Variants in EYA2 observed in about 807,000 individuals in gnomAD.
The protein encoded by EYA2 is protein phosphatase EYA2.
EYA2 carries 31 observed loss-of-function variants against 69.2 expected under a neutral mutation model. That is an observed-to-expected ratio of 0.45 (90% CI 0.34 to 0.60). The LOEUF (loss-of-function observed/expected upper bound fraction) is 0.60, where lower values mean the gene tolerates loss of function less well. Ranked by LOEUF, EYA2 falls within the 20% of genes least tolerant of loss-of-function variation. The pLI is 0.02. For synonymous variants in EYA2, 257 were observed against 279.4 expected (o/e 0.92, Z 0.80); for missense variants, 622 against 701.2 (o/e 0.89, Z 1.28).
At chr20:47,022,999 C>T (rs1023569091) in intron 5 of EYA2, among the ~76,000 whole-genome samples, 3 of 151,956 alleles carry the variant, frequency 2.0e-5, no homozygotes, top group East Asian at 1.9e-4. Context: ...TGTCCATTAG[C>T]GTCACTCCTT....
Position 47,096,974 on chromosome 20 carries a change from GATA to G in EYA2, c.805-108_805-106del, listed in dbSNP as rs59673504. 1,528 of 786,122 alleles carry G rather than the reference GATA, an allele frequency of 1.9e-3. 4 individuals carry two copies. Among genetic ancestry groups the G allele is most frequent in the Non-Finnish European group, 2.8e-3 (1,319 of 465,392 alleles). The allele number at this position is 786,122 out of a possible 1,614,324, so 48.7% of individuals were successfully genotyped here. ...GTGAGTTACATGTTTTGTAACTAAA[GATA>G]ATGTTTTTCGAGACTTCTTTTCCTC... On this transcript the variant is annotated intron_variant, in intron 8 of 15. Transcript: ENST00000327619.
chr20:46,926,088 G>A (rs899422207), intron 1 of EYA2, among the ~76,000 whole-genome samples: 4 of 152,212 alleles, frequency 2.6e-5, no homozygotes, highest in East Asian at 3.9e-4. Flanking sequence ...AAGCAAGTGC[G>A]GAGTGAATAA....
At chr20:47,098,843 A>G (rs4810610) in intron 9 of EYA2, among the ~76,000 whole-genome samples, 96,171 of 152,038 alleles carry the variant, frequency 0.63, 31,936 homozygotes, top group Non-Finnish European at 0.73. Flanking sequence ...TGACAAGCCT[A>G]CCCCCAGCCT....
At chr20:46,980,761 C>T (rs1980782435) in intron 1 of EYA2, among the ~76,000 whole-genome samples, 2 of 152,154 alleles carry the variant, frequency 1.3e-5, no homozygotes, top group South Asian at 2.1e-4. Flanking sequence ...TCATCCTCCC[C>T]ACCACCCTTC....
intron 8 of EYA2, among the ~76,000 whole-genome samples, chr20:47,094,695 A>G (rs1568774697): frequency 6.6e-6 from 1 of 152,232 alleles, no homozygotes; most frequent in Non-Finnish European, 1.5e-5. Flanking sequence ...GTCCTTGAAA[A>G]TAATGATCAC....
chr20:47,119,459 A>G (rs1174299097), intron 9 of EYA2, among the ~76,000 whole-genome samples: 1 of 152,258 alleles, frequency 6.6e-6, no homozygotes, highest in Non-Finnish European at 1.5e-5. Context: ...TGGATAAATC[A>G]TAGGATAGTC....
At chr20:47,019,233 G>C (rs1391774570) in intron 5 of EYA2, among the ~76,000 whole-genome samples, 1 of 151,890 alleles carries the variant, frequency 6.6e-6, no homozygotes, top group African/African-American at 2.4e-5. Flanking sequence ...CTCTCTTCTC[G>C]CCCTACCATG....
At chr20:47,060,344 T>G (rs1333306642) in intron 5 of EYA2, among the ~76,000 whole-genome samples, 2 of 152,254 alleles carry the variant, frequency 1.3e-5, no homozygotes, top group Non-Finnish European at 2.9e-5. Flanking sequence ...GCTTCTACTC[T>G]CATGGCTTCA....
chr20:46,973,348 A>G (rs979655637), intron 1 of EYA2, among the ~76,000 whole-genome samples: 3 of 152,192 alleles, frequency 2.0e-5, no homozygotes, highest in Non-Finnish European at 4.4e-5. Flanking sequence ...GGGGGAGGCT[A>G]TTCTAGATTA....
chr20:47,119,074 A>T (rs2032977970), intron 9 of EYA2, among the ~76,000 whole-genome samples: 1 of 152,186 alleles, frequency 6.6e-6, no homozygotes, highest in Non-Finnish European at 1.5e-5. Flanking sequence ...AACCTACATA[A>T]TGGGAACAAT....
chr20:47,057,257 A>G (rs1488403304), intron 5 of EYA2, among the ~76,000 whole-genome samples: 2 of 152,136 alleles, frequency 1.3e-5, no homozygotes. Flanking sequence ...GAGTGAATGA[A>G]AGGTTTGCCC....
intron 14 of EYA2, among the ~76,000 whole-genome samples, chr20:47,182,956 C>T (rs2036457875): frequency 6.6e-6 from 1 of 152,144 alleles, no homozygotes; most frequent in Non-Finnish European, 1.5e-5. Context: ...GTGTCCAGCG[C>T]AGTGGCATCA....
intron 15 of EYA2, among the ~76,000 whole-genome samples, chr20:47,184,952 G>A (rs1476053576): frequency 1.3e-5 from 2 of 152,130 alleles, no homozygotes; most frequent in Admixed American, 6.6e-5. Context: ...TCCCATAAAA[G>A]TCCCAGTGTC....
intron 9 of EYA2, among the ~76,000 whole-genome samples, chr20:47,135,126 CAAAAAAAAA>C (rs11484435): frequency 1.7e-5 from 1 of 58,498 alleles, no homozygotes; most frequent in African/African-American, 6.6e-5. Flanking sequence ...GACTCCATAT[CAAAAAAAAA>C]AAAAAAAAAA....
At chr20:47,017,465 G>C (rs566216938) in intron 5 of EYA2, among the ~76,000 whole-genome samples, 1 of 152,222 alleles carries the variant, frequency 6.6e-6, no homozygotes, top group East Asian at 1.9e-4. Flanking sequence ...CAACTACTTG[G>C]AAGTACTATC....
chr20:47,163,556 G>A (rs1295166411), intron 10 of EYA2, among the ~76,000 whole-genome samples: 1 of 151,880 alleles, frequency 6.6e-6, no homozygotes, highest in Non-Finnish European at 1.5e-5. Flanking sequence ...AAATTAGCTG[G>A]GCGTGGTGGT....
At chr20:47,041,352 C>T (rs1321070252) in intron 5 of EYA2, among the ~76,000 whole-genome samples, 1 of 152,180 alleles carries the variant, frequency 6.6e-6, no homozygotes, top group African/African-American at 2.4e-5. Context: ...GTTAAGTCTG[C>T]CTCCCACTTT....
At chr20:47,050,197 C>G (rs950753148) in intron 5 of EYA2, among the ~76,000 whole-genome samples, 4 of 152,200 alleles carry the variant, frequency 2.6e-5, no homozygotes, top group Admixed American at 6.5e-5. Context: ...TCAGGTATGC[C>G]TGCCGGAGAG....
At chr20:46,950,082 C>T (rs1316385151) in intron 1 of EYA2, among the ~76,000 whole-genome samples, 4 of 152,140 alleles carry the variant, frequency 2.6e-5, no homozygotes, top group African/African-American at 7.2e-5. Flanking sequence ...GTGCCTGGCA[C>T]AGAGTAAGCT....
Sources: gnomAD v4.1 joint callset for allele counts (sites outside exome capture counted in the v4.1 genomes callset) on GRCh38, gnomAD v4.1.1 for gene constraint, MANE v1.5 for transcripts, NCBI Gene and HGNC (gene_info 2026-07-23, HGNC 2026-07-21) for gene names.